Variants in PIK3CB observed in about 807,000 individuals in gnomAD.
PIK3CB encodes the protein phosphatidylinositol 4,5-bisphosphate 3-kinase catalytic subunit beta isoform.
In PIK3CB, 39 loss-of-function variants were observed where a neutral mutation model predicts 136.8. The observed-to-expected ratio is 0.29, with a 90% CI of 0.22 to 0.37. The LOEUF is 0.37. Ranked by LOEUF, PIK3CB falls within the 10% of genes least tolerant of loss-of-function variation. The pLI, the probability that PIK3CB is intolerant of heterozygous loss-of-function variation, is 1.00. For synonymous variants in PIK3CB, 428 were observed against 436.6 expected, an observed-to-expected ratio of 0.98 and a Z score of 0.25; for missense variants, 868 against 1,275.4, an observed-to-expected ratio of 0.68 and a Z score of 4.87.
intron 5 of PIK3CB, among the ~76,000 whole-genome samples, chr3:138,740,507 A>G (rs942924160): frequency 6.6e-6 from 1 of 152,178 alleles, no homozygotes; most frequent in African/African-American, 2.4e-5. Context: ...ACAGGCTAGG[A>G]TGCTAGGAAT....
At chr3:138,826,414 G>T (rs551157047) in intron 1 of PIK3CB, 1 of 1,161,824 alleles carries the variant, frequency 8.6e-7, no homozygotes, top group African/African-American at 1.5e-5. Flanking sequence ...CAGCCATTTA[G>T]GTTTAATAGT....
intron 14 of PIK3CB, 152 bp from the exon 15 acceptor site, chr3:138,691,295 C>G: frequency 1.6e-6 from 1 of 633,480 alleles, no homozygotes; most frequent in Admixed American, 3.0e-5. Context: ...ACCACTGTTA[C>G]AATATCACAA....
At chr3:138,667,000 G>A (rs2043424484) in intron 19 of PIK3CB, among the ~76,000 whole-genome samples, 2 of 151,998 alleles carry the variant, frequency 1.3e-5, no homozygotes, top group African/African-American at 2.4e-5. Flanking sequence ...AGGAGATCAC[G>A]ACCAGGTCAG....
chr3:138,707,074 G>C (rs1289950849), intron 11 of PIK3CB, 85 bp downstream of exon 11: 3 of 875,466 alleles, frequency 3.4e-6, no homozygotes, highest in African/African-American at 3.4e-5. Flanking sequence ...AGTTTTGAAA[G>C]AGACAGATAG....
chr3:138,773,893 TTAAG>T (rs1006592513), intron 2 of PIK3CB, among the ~76,000 whole-genome samples: 1 of 152,202 alleles, frequency 6.6e-6, no homozygotes, highest in African/African-American at 2.4e-5. Flanking sequence ...GGAACTATCA[TTAAG>T]TGTTAAGCTA....
intron 2 of PIK3CB, among the ~76,000 whole-genome samples, chr3:138,767,887 C>G (rs977616811): frequency 6.6e-6 from 1 of 152,218 alleles, no homozygotes; most frequent in Non-Finnish European, 1.5e-5. Context: ...CAGGTCTGGG[C>G]TCCCCAAAGG....
intron 10 of PIK3CB, among the ~76,000 whole-genome samples, chr3:138,711,119 T>G (rs1170529093): frequency 6.6e-6 from 1 of 150,948 alleles, no homozygotes; most frequent in Non-Finnish European, 1.5e-5. Context: ...TTCTCCCTAA[T>G]TAGAGATGTT....
intron 1 of PIK3CB, among the ~76,000 whole-genome samples, chr3:138,808,405 A>G (rs1285326289): frequency 3.9e-5 from 6 of 152,080 alleles, no homozygotes; most frequent in Non-Finnish European, 8.8e-5. Context: ...CCAAGGCAGG[A>G]AGATCATTTG....
rs1055060039 is a variant in PIK3CB, at chr3:138,828,749, G to A, written c.-122+5946C>T. Among the ~76,000 whole-genome samples, 8 of 151,940 alleles carry A rather than the reference G, an allele frequency of 5.3e-5. 1 individual carries two copies. In the Middle Eastern group the frequency reaches 0.017, roughly 323 times the overall value. On this transcript the variant is annotated intron_variant, in intron 1 of 23. Coordinates refer to ENST00000674063, the MANE Select transcript of PIK3CB (RefSeq NM_006219.3). ...TGCCCACTGGACTCCAGCTTAGGCA[G>A]CATAAGGAGACCCCGCCTCTAAAAA...
chr3:138,779,613 G>A (rs916411827), intron 2 of PIK3CB, among the ~76,000 whole-genome samples: 1 of 149,066 alleles, frequency 6.7e-6, no homozygotes, highest in Non-Finnish European at 1.5e-5. Flanking sequence ...GGCTGGTCTC[G>A]AACTCCTGAA....
intron 1 of PIK3CB, among the ~76,000 whole-genome samples, chr3:138,798,527 G>C (rs1412009611): frequency 1.3e-5 from 2 of 152,140 alleles, no homozygotes. Context: ...ATGAGAAATT[G>C]AACAATAGTT....
intron 2 of PIK3CB, among the ~76,000 whole-genome samples, chr3:138,791,965 GC>G (rs1394470965): frequency 7.2e-5 from 11 of 152,124 alleles, no homozygotes; most frequent in African/African-American, 2.7e-4. Context: ...TATATAGTAG[GC>G]CCTCCATATC....
Position 138,655,397 on chromosome 3 carries a change from T to G in PIK3CB, c.3205A>C (p.Arg1069=), listed in dbSNP as rs28763907. The change falls in exon 24 of 24, where the codon AGA becomes CGA. Residue 1069 remains arginine, a synonymous_variant. Coordinates refer to ENST00000674063, the MANE Select transcript of PIK3CB (RefSeq NM_006219.3). ...GGAGCGAAGGCTGATCGTTAAGATCTGTAGTCTTTCCGAACTGTGTGGGCC... is the reference window on the plus strand; with the variant it reads ...GGAGCGAAGGCTGATCGTTAAGATCGGTAGTCTTTCCGAACTGTGTGGGCC... The part of the protein sequence containing the change: ...WMAHTVRKDY[R]S 3,321 of 1,614,088 alleles carry G rather than the reference T, an allele frequency of 2.1e-3. 114 individuals are homozygous for G. In the East Asian group the frequency reaches 0.063, roughly 31 times the overall value.
chr3:138,799,841 C>G (rs548934909), intron 1 of PIK3CB, among the ~76,000 whole-genome samples: 2 of 151,942 alleles, frequency 1.3e-5, no homozygotes, highest in Admixed American at 1.3e-4. Flanking sequence ...CCACGCCTGC[C>G]TAATTTTTGT....
chr3:138,683,580 TG>T (rs1214891216), intron 18 of PIK3CB, 97 bp downstream of exon 18: 1 of 699,302 alleles, frequency 1.4e-6, no homozygotes, highest in Admixed American at 2.2e-5. Flanking sequence ...GGCTGCAAAT[TG>T]TTACACACTT....
chr3:138,773,708 T>C (rs2045826270), intron 2 of PIK3CB, among the ~76,000 whole-genome samples: 1 of 152,196 alleles, frequency 6.6e-6, no homozygotes, highest in Admixed American at 6.5e-5. Context: ...TAGTCTACCT[T>C]CCTCTTTTCT....
intron 13 of PIK3CB, among the ~76,000 whole-genome samples, chr3:138,697,372 G>A (rs2044159364): frequency 6.6e-6 from 1 of 152,072 alleles, no homozygotes; most frequent in African/African-American, 2.4e-5. Flanking sequence ...GTGGAAACAA[G>A]TTTAATCGAG....
At chr3:138,737,948 A>G in intron 5 of PIK3CB, 62 bp from the exon 6 acceptor site, 1 of 959,708 alleles carries the variant, frequency 1.0e-6, no homozygotes, top group Admixed American at 2.4e-5. Context: ...GAAAAATCAC[A>G]TTACAATCAT....
chr3:138,732,562 T>G (rs2045006174), intron 8 of PIK3CB, among the ~76,000 whole-genome samples: 1 of 152,168 alleles, frequency 6.6e-6, no homozygotes, highest in Non-Finnish European at 1.5e-5. Context: ...TGCTTTATAC[T>G]CTGAGACAAA....
Sources: allele counts gnomAD v4.1 joint callset (sites outside exome capture counted in the v4.1 genomes callset), GRCh38; gene constraint gnomAD v4.1.1; transcripts MANE v1.5; gene names NCBI Gene and HGNC (gene_info 2026-07-23, HGNC 2026-07-21).